Variants in STK32C observed in about 807,000 individuals in gnomAD.
The protein encoded by STK32C is serine/threonine-protein kinase 32C.
STK32C carries 31 observed loss-of-function variants against 56.5 expected under a neutral mutation model. That is an observed-to-expected ratio of 0.55 (90% CI 0.41 to 0.74). STK32C has a LOEUF of 0.74. Among genes scored for constraint, STK32C ranks in the 30% least tolerant of loss-of-function variants. The probability of loss-of-function intolerance (pLI) is 0.00; values close to 1 mark genes in which losing one functional copy is unlikely to be tolerated. For missense variants in STK32C, 544 were observed against 676.9 expected, an observed-to-expected ratio of 0.80 and a Z score of 2.18; for synonymous variants, 309 against 289.4, an observed-to-expected ratio of 1.07 and a Z score of -0.69.
At chr10:132,318,969 A>G (rs1019077234) in intron 1 of STK32C, among the ~76,000 whole-genome samples, 11 of 152,010 alleles carry the variant, frequency 7.2e-5, no homozygotes, top group African/African-American at 2.7e-4. Flanking sequence ...TTGTTTTGAG[A>G]TGGAGTTTCT....
chr10:132,272,532 T>A (rs539130144), intron 1 of STK32C, among the ~76,000 whole-genome samples: 1 of 152,324 alleles, frequency 6.6e-6, no homozygotes, highest in Admixed American at 6.5e-5. Context: ...AGCCTTGGCA[T>A]GGGCTCGACT....
intron 1 of STK32C, among the ~76,000 whole-genome samples, chr10:132,253,369 GGAGCCTGGGGAGCCGAGGT>G: frequency 6.6e-6 from 1 of 151,548 alleles, no homozygotes; most frequent in African/African-American, 2.4e-5. Flanking sequence ...GAGAGTCAAG[GGAGCCTGGGGAGCCGAGGT>G]AGCTGGAGGG....
At chr10:132,212,008 G>A (rs894638035) in intron 10 of STK32C, among the ~76,000 whole-genome samples, 1 of 152,114 alleles carries the variant, frequency 6.6e-6, no homozygotes, top group Admixed American at 6.5e-5. Flanking sequence ...GACCCCAGAT[G>A]TCACCCACAG....
chr10:132,216,018 C>T (rs2062459013), intron 10 of STK32C, among the ~76,000 whole-genome samples: 1 of 152,176 alleles, frequency 6.6e-6, no homozygotes, highest in Non-Finnish European at 1.5e-5. Flanking sequence ...TTGTGGAACT[C>T]TGAATTTGAG....
intron 1 of STK32C, among the ~76,000 whole-genome samples, chr10:132,317,076 T>C (rs546882583): frequency 4.6e-5 from 7 of 152,236 alleles, no homozygotes; most frequent in Admixed American, 1.3e-4. Flanking sequence ...TACATTATAT[T>C]TGTAACTCAG....
chr10:132,227,277 C>T (rs2062923077), intron 3 of STK32C, among the ~76,000 whole-genome samples: 1 of 152,262 alleles, frequency 6.6e-6, no homozygotes, highest in Admixed American at 6.5e-5. Context: ...GCTGCCCGGC[C>T]TCCTCTTCGG....
At chr10:132,282,020 C>T (rs2065227538) in intron 1 of STK32C, among the ~76,000 whole-genome samples, 2 of 152,356 alleles carry the variant, frequency 1.3e-5, no homozygotes, top group Non-Finnish European at 2.9e-5. Flanking sequence ...AGGGAGGCGC[C>T]TCCCTGATCC....
At chr10:132,262,014 G>C (rs1565122644) in intron 1 of STK32C, among the ~76,000 whole-genome samples, 1 of 152,130 alleles carries the variant, frequency 6.6e-6, no homozygotes, top group Non-Finnish European at 1.5e-5. Flanking sequence ...GAACAAAGCT[G>C]GGGGCATCAC....
chr10:132,225,654 C>G, intron 5 of STK32C, 38 bp from the exon 6 acceptor site: 1 of 1,608,258 alleles, frequency 6.2e-7, no homozygotes, highest in Non-Finnish European at 8.5e-7. Flanking sequence ...GTCCCAGGAC[C>G]AGAGATGCAT....
At chr10:132,291,585 A>C (rs2065565702) in intron 1 of STK32C, among the ~76,000 whole-genome samples, 2 of 152,178 alleles carry the variant, frequency 1.3e-5, no homozygotes, top group African/African-American at 4.8e-5. Context: ...AGCCTTCCAG[A>C]GTGCCCCTCT....
At chr10:132,325,279 G>C (rs930311639) in intron 1 of STK32C, among the ~76,000 whole-genome samples, 1 of 152,072 alleles carries the variant, frequency 6.6e-6, no homozygotes, top group Non-Finnish European at 1.5e-5. Flanking sequence ...CCGGCCGGGC[G>C]CGGTGGCTCA....
chr10:132,309,701 G>A (rs770590353), upstream of STK32C, among the ~76,000 whole-genome samples: 10 of 152,122 alleles, frequency 6.6e-5, no homozygotes, highest in Non-Finnish European at 1.0e-4. Flanking sequence ...GTGAAGGAGC[G>A]TTTGGAAGGG....
intron 10 of STK32C, among the ~76,000 whole-genome samples, chr10:132,220,672 G>A (rs1447297020): frequency 1.3e-5 from 2 of 152,156 alleles, no homozygotes; most frequent in South Asian, 2.1e-4. Flanking sequence ...ATTCCAACAC[G>A]AGTTTTAAGG....
Position 132,281,450 on chromosome 10 carries a change from G to A in STK32C, c.262+26122C>T, listed in dbSNP as rs143494641. Among the ~76,000 whole-genome samples, 223 of 152,130 alleles carry A rather than the reference G, an allele frequency of 1.5e-3. 2 individuals carry two copies. Among genetic ancestry groups the A allele is most frequent in the African/African-American group, 5.1e-3 (212 of 41,494 alleles). On this transcript the variant is annotated intron_variant, in intron 1 of 11. Coordinates refer to ENST00000298630, the MANE Select transcript of STK32C (RefSeq NM_173575.4). ...ATTCCTAACGTACCTTACCGGGCCC[G>A]CTCCTGCTGGGTAAAAGAAAGCCAT...
At chr10:132,309,993 A>G (rs1319600547), upstream of STK32C, among the ~76,000 whole-genome samples, 2 of 152,152 alleles carry the variant, frequency 1.3e-5, no homozygotes, top group Non-Finnish European at 2.9e-5. Context: ...GGTAACCAGG[A>G]CCCCAAAAGG....
chr10:132,296,430 G>A (rs1023860112), intron 1 of STK32C, among the ~76,000 whole-genome samples: 3 of 152,054 alleles, frequency 2.0e-5, no homozygotes, highest in Admixed American at 6.5e-5. Flanking sequence ...AATGCCAGAC[G>A]GTGACGTAAG....
Position 132,307,499 on chromosome 10 carries a change from G to A in STK32C, c.262+73C>T, listed in dbSNP as rs2066114473. 2.8e-6 allele frequency: 4 copies of A among 1,446,696 alleles called. No individual in the cohort carries two copies. In the South Asian group the frequency reaches 3.8e-5, roughly 14 times the overall value. The allele number at this position is 1,446,696 out of a possible 1,614,324, so 89.6% of individuals were successfully genotyped here. A position where few individuals can be genotyped will look rare whatever the true frequency, so the allele number is the denominator to read the frequency against. ...CCGGACACCGGGGGAACCCCTGCGG[G>A]AAAAAGCCGCCCAGCCGCGCCCGCC... On this transcript the variant is annotated intron_variant, in intron 1 of 11. Transcript: ENST00000298630. This position sits in a 1 kb window ranked among gnomAD's most constrained non-coding sequence, Gnocchi z 4.4.
At chr10:132,227,332 A>G (rs1183651559) in intron 3 of STK32C, among the ~76,000 whole-genome samples, 1 of 152,216 alleles carries the variant, frequency 6.6e-6, no homozygotes, top group Non-Finnish European at 1.5e-5. Context: ...TGTTACAGAA[A>G]ATGAGGCCGT....
intron 1 of STK32C, chr10:132,330,570 C>T: frequency 2.8e-6 from 2 of 707,868 alleles, no homozygotes; most frequent in Non-Finnish European, 2.6e-6. Context: ...TTAAGTGGCA[C>T]AATCATAACT....
Sources: allele counts gnomAD v4.1 joint callset (sites outside exome capture counted in the v4.1 genomes callset), GRCh38; gene constraint gnomAD v4.1.1; non-coding constraint Gnocchi (gnomAD v3.1); transcripts MANE v1.5; gene names NCBI Gene and HGNC (gene_info 2026-07-23, HGNC 2026-07-21).